The following BEST3 variants were observed in gnomAD, a reference collection of about 807,000 sequenced individuals.
BEST3 encodes the protein bestrophin 3.
A neutral mutation model predicts 47.1 loss-of-function variants in BEST3; 50 were observed. The ratio of observed to expected loss-of-function variants is 1.06; its 90% CI spans 0.85 to 1.34. BEST3 has a LOEUF of 1.34. Ranked by LOEUF, BEST3 falls within the 40% of genes most tolerant of loss-of-function variation. BEST3 has a pLI of 0.00. For missense variants in BEST3, 765 were observed against 817.0 expected (o/e 0.94, Z 0.78); for synonymous variants, 282 against 298.8 (o/e 0.94, Z 0.58).
At chr12:69,696,369 C>G (rs1048628235) in intron 2 of BEST3, among the ~76,000 whole-genome samples, 3 of 152,142 alleles carry the variant, frequency 2.0e-5, no homozygotes, top group African/African-American at 7.2e-5. Context: ...AAGGGCTATT[C>G]TGTTCTATTC....
At chr12:69,698,174 T>G (rs1468762476) in intron 1 of BEST3, among the ~76,000 whole-genome samples, 1 of 152,224 alleles carries the variant, frequency 6.6e-6, no homozygotes, top group Non-Finnish European at 1.5e-5. Context: ...TTTGATTGCA[T>G]GTAGATGTCT....
chr12:69,650,177 G>A (rs1883164639), downstream of BEST3, among the ~76,000 whole-genome samples: 2 of 152,240 alleles, frequency 1.3e-5, no homozygotes, highest in South Asian at 2.1e-4. Context: ...TGCACAGGTG[G>A]AGGTGATGAA....
downstream of BEST3, among the ~76,000 whole-genome samples, chr12:69,648,784 T>A (rs1883119406): frequency 6.6e-6 from 1 of 152,168 alleles, no homozygotes; most frequent in Admixed American, 6.5e-5. Context: ...AATCCATGAG[T>A]TTGCTTGGCC....
intron 9 of BEST3, among the ~76,000 whole-genome samples, chr12:69,666,103 T>G (rs1474308677): frequency 6.6e-6 from 1 of 152,190 alleles, no homozygotes. Context: ...AACTGCAACC[T>G]TCCCCTCCTG....
At chr12:69,664,487 C>G (rs1056526437) in intron 9 of BEST3, among the ~76,000 whole-genome samples, 6 of 152,096 alleles carry the variant, frequency 3.9e-5, no homozygotes, top group Admixed American at 1.3e-4. Flanking sequence ...TGTCATCCCC[C>G]CTTGCTCCTG....
chr12:69,691,182 A>T (rs968282271), intron 4 of BEST3, among the ~76,000 whole-genome samples: 12 of 152,214 alleles, frequency 7.9e-5, no homozygotes, highest in Non-Finnish European at 1.6e-4. Context: ...TTTCATTACA[A>T]TGGCAAGAAA....
chr12:69,664,345 C>T (rs1365835714), intron 9 of BEST3, among the ~76,000 whole-genome samples: 2 of 152,184 alleles, frequency 1.3e-5, no homozygotes, highest in African/African-American at 4.8e-5. Context: ...TTCCTGCTTT[C>T]CTGGCTGCAC....
chr12:69,697,046 A>G (rs1435511480), intron 2 of BEST3, among the ~76,000 whole-genome samples: 1 of 152,200 alleles, frequency 6.6e-6, no homozygotes, highest in Non-Finnish European at 1.5e-5. Context: ...TAATGTTATA[A>G]AGAATAAGCA....
chr12:69,654,990 T>C lies in BEST3; in HGVS notation c.1924A>G (p.Met642Val). Reference sequence around the variant, plus strand: ...TCCAGGTTTTCCATTAAATACAGCATATCAGAAGAGACTCGAGAGCCAGCC... The same window carrying C: ...TCCAGGTTTTCCATTAAATACAGCACATCAGAAGAGACTCGAGAGCCAGCC... ...IVAGSRVSSD[M>V]LYLMENLDTK... Residue 642 changes from methionine (M) to valine (V), a missense_variant, in exon 10 of 10, where the codon ATG becomes GTG. Met to Val is a conservative substitution (Grantham distance 21, BLOSUM62 1). Coordinates refer to ENST00000330891, the MANE Select transcript of BEST3 (RefSeq NM_032735.3). 1 of 1,614,106 alleles carries C rather than the reference T, an allele frequency of 6.2e-7. No individual in the cohort carries two copies. Among genetic ancestry groups the C allele is most frequent in the Non-Finnish European group, 8.5e-7 (1 of 1,180,006 alleles).
In BEST3 at chr12:69,654,370, A is replaced by T; in HGVS notation, c.*537T>A. 1.0e-6 allele frequency: 1 copy of T among 985,142 alleles called. No homozygotes were observed. The highest frequency in any genetic ancestry group is 1.2e-6 in the Non-Finnish European group (1 of 829,650). 61.0% of individuals were successfully genotyped at this position (985,142 alleles called of 1,614,324 possible). Reference sequence around the variant, plus strand: ...TGAAGCTTAAGAATCAGGAAGTGATAATAACAATAATAGTTATAAAAGTAG... The same window carrying T: ...TGAAGCTTAAGAATCAGGAAGTGATTATAACAATAATAGTTATAAAAGTAG... On this transcript the variant is annotated 3_prime_UTR_variant, in exon 10 of 10. Coordinates refer to ENST00000330891, the MANE Select transcript of BEST3 (RefSeq NM_032735.3).
chr12:69,697,524 A>C, intron 2 of BEST3, 123 bp downstream of exon 2: 1 of 701,878 alleles, frequency 1.4e-6, no homozygotes. Flanking sequence ...GACAAATGAG[A>C]GGCTCACGCA....
intron 5 of BEST3, 67 bp downstream of exon 5, chr12:69,678,672 G>A (rs1177912382): frequency 6.1e-6 from 9 of 1,468,564 alleles, no homozygotes; most frequent in East Asian, 2.3e-5. Flanking sequence ...CTGGTCTAAC[G>A]TGTTATATCC....
chr12:69,664,001 A>G (rs1383199866), intron 9 of BEST3, among the ~76,000 whole-genome samples: 1 of 152,236 alleles, frequency 6.6e-6, no homozygotes, highest in African/African-American at 2.4e-5. Context: ...AACTCATAAA[A>G]TGGCAAAGTG....
At chr12:69,649,137 G>A (rs1290016151), downstream of BEST3, among the ~76,000 whole-genome samples, 9 of 152,294 alleles carry the variant, frequency 5.9e-5, no homozygotes, top group Non-Finnish European at 2.9e-5. Context: ...GGGATTACAC[G>A]TGTGCGCCAC....
Position 69,675,208 on chromosome 12 carries a change from C to T in BEST3, c.867+1708G>A, listed in dbSNP as rs938823103. On this transcript the variant is annotated intron_variant, in intron 7 of 9. Transcript: ENST00000330891. Reference sequence around the variant, plus strand: ...GAACATGGCTCACTGCACCCTCGGCCTCCTGGGCTCAAGTGACCCTTCCAC... The same window carrying T: ...GAACATGGCTCACTGCACCCTCGGCTTCCTGGGCTCAAGTGACCCTTCCAC... Among the ~76,000 whole-genome samples the T allele has an allele frequency of 2.6e-5, 4 of 152,320 alleles. No homozygotes were observed. In the South Asian group the frequency reaches 8.3e-4, roughly 32 times the overall value.
downstream of BEST3, among the ~76,000 whole-genome samples, chr12:69,649,657 A>G (rs1883148623): frequency 6.6e-6 from 1 of 152,148 alleles, no homozygotes; most frequent in African/African-American, 2.4e-5. Context: ...TGGGCCAAAT[A>G]GTTGTGGACG....
Position 69,677,206 on chromosome 12 carries a change from C to G in BEST3, c.688G>C (p.Val230Leu). 1 of 1,613,778 alleles carries G rather than the reference C, an allele frequency of 6.2e-7. No individual in the cohort carries two copies. The highest frequency in any genetic ancestry group is 1.1e-5 in the South Asian group (1 of 90,996). The change falls in exon 6 of 10, where the codon GTT becomes CTT. Residue 230 changes from valine to leucine, a missense_variant. Physicochemically the swap from Val to Leu is conservative, Grantham distance 32. Coordinates refer to ENST00000330891, the MANE Select transcript of BEST3 (RefSeq NM_032735.3). ...WCSLLFGYDW[V>L]GIPLVYTQVV... ...TGGGTGTAAACCAGCGGAATCCCAA[C>G]CCAGTCATAACCGAATAAGAGGCTG...
chr12:69,682,520 T>G (rs1255587026), intron 4 of BEST3, among the ~76,000 whole-genome samples: 1 of 152,130 alleles, frequency 6.6e-6, no homozygotes. Context: ...TTGCACAATC[T>G]AAAAAATCTG....
intron 9 of BEST3, among the ~76,000 whole-genome samples, chr12:69,644,454 A>C (rs1882969329): frequency 6.6e-6 from 1 of 152,214 alleles, no homozygotes; most frequent in Non-Finnish European, 1.5e-5. Flanking sequence ...GGAGGATTGT[A>C]AGAGGTTTTA....
Sources: allele counts gnomAD v4.1 joint callset (sites outside exome capture counted in the v4.1 genomes callset), GRCh38; gene constraint gnomAD v4.1.1; transcripts MANE v1.5; gene names NCBI Gene and HGNC (gene_info 2026-07-23, HGNC 2026-07-21).